Variants in CPNE4 observed in about 807,000 individuals in gnomAD.
CPNE4 encodes the protein copine-4.
A neutral mutation model predicts 67.9 loss-of-function variants in CPNE4; 25 were observed. The ratio of observed to expected loss-of-function variants is 0.37; its 90% CI spans 0.27 to 0.51. CPNE4 has a LOEUF of 0.51. Among genes scored for constraint, CPNE4 ranks in the 20% least tolerant of loss-of-function variants. CPNE4 has a pLI of 0.93. For synonymous variants in CPNE4, 242 were observed against 244.9 expected, an observed-to-expected ratio of 0.99 and a Z score of 0.11; for missense variants, 464 against 690.8, an observed-to-expected ratio of 0.67 and a Z score of 3.68.
chr3:131,923,704 C>CAAAAAAAAAAA (rs3041574), intron 1 of CPNE4, among the ~76,000 whole-genome samples: 19 of 39,278 alleles, frequency 4.8e-4, no homozygotes, highest in East Asian at 1.1e-3. Context: ...GACTCCGTCT[C>CAAAAAAAAAAA]AAAAAAAAAA....
chr3:131,687,327 T>C (rs1485860916), intron 5 of CPNE4, among the ~76,000 whole-genome samples: 1 of 152,230 alleles, frequency 6.6e-6, no homozygotes, highest in Non-Finnish European at 1.5e-5. Flanking sequence ...ATATTTCTGC[T>C]ATTTCCTCAG....
At chr3:131,786,657 A>G (rs2083572615) in intron 2 of CPNE4, among the ~76,000 whole-genome samples, 1 of 152,170 alleles carries the variant, frequency 6.6e-6, no homozygotes, top group Non-Finnish European at 1.5e-5. Context: ...GTACATACAT[A>G]TTCTTGCCCC....
chr3:131,784,992 T>A (rs2083520544), intron 2 of CPNE4, among the ~76,000 whole-genome samples: 1 of 152,112 alleles, frequency 6.6e-6, no homozygotes, highest in African/African-American at 2.4e-5. Flanking sequence ...CAGTTGCACC[T>A]CTCACTATTT....
chr3:131,844,618 A>T (rs1410788396), intron 2 of CPNE4, among the ~76,000 whole-genome samples: 1 of 152,114 alleles, frequency 6.6e-6, no homozygotes. Context: ...TGTTCACCAG[A>T]CTGTGAGCTC....
chr3:131,586,150 A>G (rs1315401947), intron 8 of CPNE4, among the ~76,000 whole-genome samples: 1 of 142,612 alleles, frequency 7.0e-6, no homozygotes, highest in Non-Finnish European at 1.5e-5. Flanking sequence ...CAGAACAGGC[A>G]CAGAGTATTA....
chr3:131,953,249 A>AAAATAT (rs2071830621), intron 1 of CPNE4, among the ~76,000 whole-genome samples: 1 of 141,058 alleles, frequency 7.1e-6, no homozygotes, highest in East Asian at 2.0e-4. Flanking sequence ...TAAAAAAAAA[A>AAAATAT]AAAAAAAAAA....
chr3:131,924,181 A>C (rs749294445), intron 1 of CPNE4, among the ~76,000 whole-genome samples: 1 of 152,220 alleles, frequency 6.6e-6, no homozygotes, highest in African/African-American at 2.4e-5. Flanking sequence ...TAGCCACATG[A>C]CATATCTTGT....
chr3:131,923,224 G>A (rs542462181), intron 1 of CPNE4, among the ~76,000 whole-genome samples: 37 of 152,164 alleles, frequency 2.4e-4, no homozygotes, highest in Non-Finnish European at 4.3e-4. Context: ...CCTCTTTTGT[G>A]CTGATAGTAT....
chr3:131,718,992 A>C (rs1442194031), intron 3 of CPNE4, among the ~76,000 whole-genome samples: 1 of 152,218 alleles, frequency 6.6e-6, no homozygotes, highest in Non-Finnish European at 1.5e-5. Flanking sequence ...TGCCTACCCA[A>C]AAGTGTGGGA....
chr3:131,706,353 C>T (rs555272571), intron 3 of CPNE4, among the ~76,000 whole-genome samples: 2 of 152,276 alleles, frequency 1.3e-5, no homozygotes, highest in South Asian at 2.1e-4. Context: ...TTGAAAACAC[C>T]GATTATGTGA....
At chr3:132,035,460 T>C (rs1442169968), upstream of CPNE4, 18 of 152,230 alleles carry the variant, frequency 1.2e-4, no homozygotes, top group Admixed American at 9.2e-4. Context: ...TTATTTTTAG[T>C]AAGTAATGCA....
intron 3 of CPNE4, among the ~76,000 whole-genome samples, chr3:131,708,500 T>C (rs915028266): frequency 1.3e-5 from 2 of 152,060 alleles, no homozygotes; most frequent in Non-Finnish European, 2.9e-5. Context: ...TGGAGGAATG[T>C]ATAAAGAAAG....
chr3:131,820,488 A>C (rs1241909855), intron 2 of CPNE4, among the ~76,000 whole-genome samples: 1 of 152,192 alleles, frequency 6.6e-6, no homozygotes, highest in East Asian at 1.9e-4. Flanking sequence ...CTGCCAGTTA[A>C]CCGCATTCTC....
At chr3:131,685,310 T>C (rs6802183) in intron 6 of CPNE4, among the ~76,000 whole-genome samples, 19,017 of 152,126 alleles carry the variant, frequency 0.13, 1,265 homozygotes, top group African/African-American at 0.16. Context: ...TTTATACTTT[T>C]ATTATGAATA....
chr3:131,995,181 T>C (rs1420264077), intron 1 of CPNE4, among the ~76,000 whole-genome samples: 5 of 152,172 alleles, frequency 3.3e-5, no homozygotes, highest in Middle Eastern at 3.4e-3. Context: ...CAAATCAGAA[T>C]TCACACACAC....
intron 7 of CPNE4, 148 bp from the exon 8 acceptor site, chr3:131,587,730 G>A: frequency 1.6e-6 from 1 of 623,610 alleles, no homozygotes; most frequent in South Asian, 2.0e-5. Flanking sequence ...CATATGGGAT[G>A]TAATTCTGGT....
chr3:131,758,819 A>G (rs564536343), intron 2 of CPNE4, among the ~76,000 whole-genome samples: 2 of 152,190 alleles, frequency 1.3e-5, no homozygotes, highest in Admixed American at 1.3e-4. Flanking sequence ...AAGTATCAAG[A>G]GATCTGATTG....
intron 3 of CPNE4, among the ~76,000 whole-genome samples, chr3:131,719,793 G>T (rs1469323464): frequency 6.6e-6 from 1 of 152,204 alleles, no homozygotes; most frequent in Non-Finnish European, 1.5e-5. Flanking sequence ...CAAGATGGCT[G>T]TAGTGGTTCC....
At chr3:131,887,471 G>T (rs140574230) in intron 2 of CPNE4, among the ~76,000 whole-genome samples, 1 of 152,156 alleles carries the variant, frequency 6.6e-6, no homozygotes, top group Non-Finnish European at 1.5e-5. Context: ...TCTCTCATCT[G>T]TAGAATGGCA....
Sources: allele counts gnomAD v4.1 joint callset (sites outside exome capture counted in the v4.1 genomes callset), GRCh38; gene constraint gnomAD v4.1.1; transcripts MANE v1.5; gene names NCBI Gene and HGNC (gene_info 2026-07-23, HGNC 2026-07-21).